Variants in APCDD1L observed in about 807,000 individuals in gnomAD.
APCDD1L encodes the protein protein APCDD1-like.
Under a neutral mutation model 24.2 loss-of-function variants are expected in APCDD1L, and 21 were observed. That is an observed-to-expected ratio of 0.87 (90% CI 0.61 to 1.25). The LOEUF (loss-of-function observed/expected upper bound fraction) is 1.25, where lower values mean the gene tolerates loss of function less well. APCDD1L is among the 50% of genes most tolerant of loss of function. APCDD1L has a pLI of 0.00. For missense variants in APCDD1L, 704 were observed against 711.7 expected (o/e 0.99, Z 0.12); for synonymous variants, 321 against 323.6 (o/e 0.99, Z 0.09).
chr20:58,484,484 T>C (rs74389473), intron 1 of APCDD1L, among the ~76,000 whole-genome samples: 1 of 152,252 alleles, frequency 6.6e-6, no homozygotes, highest in Non-Finnish European at 1.5e-5. Context: ...GCTTTTTTTT[T>C]CTTATACATA....
chr20:58,504,957 C>T (rs1259293417), intron 1 of APCDD1L, among the ~76,000 whole-genome samples: 1 of 152,192 alleles, frequency 6.6e-6, no homozygotes, highest in Non-Finnish European at 1.5e-5. Context: ...TGCTGAAGTC[C>T]TAGCAAATTC....
chr20:58,476,575 G>T (rs1443871991), intron 1 of APCDD1L, among the ~76,000 whole-genome samples: 1 of 152,202 alleles, frequency 6.6e-6, no homozygotes, highest in Non-Finnish European at 1.5e-5. Flanking sequence ...CAGAATTCCT[G>T]TTCTCCTGGA....
chr20:58,465,203 C>T (rs1301997578), intron 3 of APCDD1L, among the ~76,000 whole-genome samples: 1 of 152,162 alleles, frequency 6.6e-6, no homozygotes, highest in Non-Finnish European at 1.5e-5. Context: ...AACGCCAGAC[C>T]AGCCTAGAAC....
In APCDD1L at chr20:58,460,869, G is replaced by A. The variant is rs1185433453; in HGVS notation, c.1427C>T (p.Pro476Leu). The A allele has an allele frequency of 6.3e-7, 1 of 1,585,874 alleles. No homozygotes were observed. ...PQHRPSLQKH[P>L]STGGLHIAPF... ...GGCTATGTGAAGACCCCCTGTGCTG[G>A]GGTGCTTCTGCAGCGATGGCCTGTG... Residue 476 changes from proline (P) to leucine (L), a missense_variant, in exon 4 of 4, where the codon CCC becomes CTC. Coordinates refer to ENST00000371149, the MANE Select transcript of APCDD1L (RefSeq NM_153360.3). The surrounding 1 kb of genome is among the most constrained non-coding windows in gnomAD (Gnocchi z 4.2).
At chr20:58,483,803 C>A (rs1990070176) in intron 1 of APCDD1L, among the ~76,000 whole-genome samples, 1 of 152,114 alleles carries the variant, frequency 6.6e-6, no homozygotes, top group Non-Finnish European at 1.5e-5. Context: ...GGAGGTGAGG[C>A]TGGGGCCAAA....
intron 1 of APCDD1L, among the ~76,000 whole-genome samples, chr20:58,472,881 G>A (rs901884173): frequency 1.3e-5 from 2 of 152,196 alleles, no homozygotes; most frequent in Non-Finnish European, 2.9e-5. Context: ...AGATCCCCAT[G>A]CAACTCGCCA....
chr20:58,502,096 G>C (rs1047485598), intron 1 of APCDD1L, among the ~76,000 whole-genome samples: 3 of 152,008 alleles, frequency 2.0e-5, no homozygotes, highest in African/African-American at 7.3e-5. Context: ...CCATTGTCTT[G>C]TGTTTTTTTG....
intron 1 of APCDD1L, among the ~76,000 whole-genome samples, chr20:58,495,693 G>C (rs1377356836): frequency 6.6e-6 from 1 of 152,300 alleles, no homozygotes; most frequent in East Asian, 1.9e-4. Context: ...TTGGGGGAAA[G>C]GGGTGAGGTG....
At chr20:58,479,525 C>A (rs1438502995) in intron 1 of APCDD1L, among the ~76,000 whole-genome samples, 1 of 151,864 alleles carries the variant, frequency 6.6e-6, no homozygotes, top group East Asian at 1.9e-4. Flanking sequence ...AGTCTTTGAC[C>A]CAGCTTTAGC....
At chr20:58,471,890 G>T (rs548823350) in intron 1 of APCDD1L, among the ~76,000 whole-genome samples, 1 of 152,320 alleles carries the variant, frequency 6.6e-6, no homozygotes, top group Admixed American at 6.5e-5. Flanking sequence ...GGTCAGGAGG[G>T]GCTGAGTCTT....
rs1314137749 is a variant in APCDD1L at position 58,494,454 on chromosome 20, TC to T, written c.49+20204del. 6.6e-6 allele frequency among the ~76,000 whole-genome samples: 1 copy of T among 152,070 alleles called. No homozygotes were observed. Among genetic ancestry groups the T allele is most frequent in the African/African-American group, 2.4e-5 (1 of 41,404 alleles). On this transcript the variant is annotated intron_variant, in intron 1 of 3. Coordinates refer to ENST00000371149, the MANE Select transcript of APCDD1L (RefSeq NM_153360.3). The surrounding 1 kb of genome is among the most constrained non-coding windows in gnomAD (Gnocchi z 4.8). Reference sequence around the variant, plus strand: ...CTCAAGCCATCCTCTGGCCTCAGCCTCCTGAGTAGCTGGGATTACAGGTGTG... The same window carrying T: ...CTCAAGCCATCCTCTGGCCTCAGCCTCTGAGTAGCTGGGATTACAGGTGTG...
At chr20:58,504,508 T>C (rs1448889395) in intron 1 of APCDD1L, among the ~76,000 whole-genome samples, 1 of 152,218 alleles carries the variant, frequency 6.6e-6, no homozygotes, top group East Asian at 1.9e-4. Context: ...TGGTGATAAA[T>C]AGCAGTACCT....
intron 1 of APCDD1L, among the ~76,000 whole-genome samples, chr20:58,493,319 T>C (rs998993852): frequency 6.6e-6 from 1 of 152,240 alleles, no homozygotes; most frequent in Admixed American, 6.5e-5. Context: ...TGGGCCCCAC[T>C]AATGTGAGTC....
In APCDD1L at chr20:58,467,347, G is replaced by A. The variant is rs1185694082; in HGVS notation, c.500C>T (p.Ala167Val). 1.3e-6 allele frequency: 2 copies of A among 1,482,858 alleles called. No homozygotes were observed. Among genetic ancestry groups the A allele is most frequent in the African/African-American group, 1.5e-5 (1 of 67,782 alleles). The allele number at this position is 1,482,858 out of a possible 1,614,324, so 91.9% of individuals were successfully genotyped here. A position where few individuals can be genotyped will look rare whatever the true frequency, so the allele number is the denominator to read the frequency against. ...CTCGTACAGCGCCCCAGGCAGCCAGGCCCGGGCCGGAGGCAGCCGCCGCGC... is the reference window on the plus strand; with the variant it reads ...CTCGTACAGCGCCCCAGGCAGCCAGACCCGGGCCGGAGGCAGCCGCCGCGC... ...DCARRLPPAR[A>V]WLPGALYELR... The change falls in exon 3 of 4, where the codon GCC (alanine) becomes GTC (valine). Residue 167 changes from alanine to valine, a missense_variant. By Grantham distance (64) the Ala-to-Val change is moderately conservative. Coordinates refer to ENST00000371149, the MANE Select transcript of APCDD1L (RefSeq NM_153360.3). This position sits in a 1 kb window ranked among gnomAD's most constrained non-coding sequence, Gnocchi z 5.9.
chr20:58,503,129 A>G (rs979583103), intron 1 of APCDD1L, among the ~76,000 whole-genome samples: 1 of 152,210 alleles, frequency 6.6e-6, no homozygotes, highest in Non-Finnish European at 1.5e-5. Flanking sequence ...GTTTCCTAGC[A>G]AAATGCAGCT....
chr20:58,472,683 C>T (rs1464832584), intron 1 of APCDD1L, among the ~76,000 whole-genome samples: 2 of 152,188 alleles, frequency 1.3e-5, no homozygotes, highest in African/African-American at 4.8e-5. Context: ...CAAATAGCCA[C>T]CCAGCCAGGG....
intron 3 of APCDD1L, among the ~76,000 whole-genome samples, chr20:58,465,668 C>G (rs1989692081): frequency 6.6e-6 from 1 of 152,214 alleles, no homozygotes; most frequent in Non-Finnish European, 1.5e-5. Context: ...ACCTCAACTT[C>G]ATTTTCACTA....
At chr20:58,506,786 G>T (rs1363972182) in intron 1 of APCDD1L, among the ~76,000 whole-genome samples, 1 of 152,226 alleles carries the variant, frequency 6.6e-6, no homozygotes, top group Non-Finnish European at 1.5e-5. Context: ...TATATAAACA[G>T]TCAGCTCAGA....
intron 1 of APCDD1L, among the ~76,000 whole-genome samples, chr20:58,472,195 G>A (rs1989824889): frequency 6.6e-6 from 1 of 152,230 alleles, no homozygotes; most frequent in Admixed American, 6.5e-5. Context: ...GGTCCCCAGT[G>A]ATCAGCTGAG....
Sources: allele counts gnomAD v4.1 joint callset (sites outside exome capture counted in the v4.1 genomes callset), GRCh38; gene constraint gnomAD v4.1.1; non-coding constraint Gnocchi (gnomAD v3.1); transcripts MANE v1.5; gene names NCBI Gene and HGNC (gene_info 2026-07-23, HGNC 2026-07-21).